Variants in DPYD observed in about 807,000 individuals in gnomAD.
DPYD encodes the protein dihydropyrimidine dehydrogenase [NADP(+)].
Under a neutral mutation model 116.2 loss-of-function variants are expected in DPYD, and 109 were observed. The ratio of observed to expected loss-of-function variants is 0.94; its 90% CI spans 0.80 to 1.10. The LOEUF (loss-of-function observed/expected upper bound fraction) is 1.10, where lower values mean the gene tolerates loss of function less well. Ranked by LOEUF, DPYD falls within the 50% of genes least tolerant of loss-of-function variation. DPYD has a pLI of 0.00. For synonymous variants in DPYD, 440 were observed against 432.0 expected (o/e 1.02, Z -0.23); for missense variants, 1,302 against 1,254.5 (o/e 1.04, Z -0.57).
rs1558029985 is a variant in DPYD, at chr1:97,323,399, T to TGTGTATATGTACACGTATATATAC, written c.2059-17103_2059-17102insGTATATATACGTGTACATATACAC. Among the ~76,000 whole-genome samples the TGTGTATATGTACACGTATATATAC allele has an allele frequency of 1.8e-3, 70 of 39,440 alleles. 5 individuals carry two copies. Among genetic ancestry groups the TGTGTATATGTACACGTATATATAC allele is most frequent in the African/African-American group, 3.8e-3 (65 of 17,136 alleles). The allele number at this position is 39,440 out of a possible 152,430, so 25.9% of individuals were successfully genotyped here. ...GTGTATATGTACACGTATGTATACA[T>TGTGTATATGTACACGTATATATAC]ATGTGTATATGTACACGTATATATA... On this transcript the variant is annotated intron_variant, in intron 16 of 22. Coordinates refer to ENST00000370192, the MANE Select transcript of DPYD (RefSeq NM_000110.4).
At chr1:97,112,351 T>C (rs1190835437) in intron 20 of DPYD, among the ~76,000 whole-genome samples, 2 of 152,106 alleles carry the variant, frequency 1.3e-5, no homozygotes, top group African/African-American at 2.4e-5. Context: ...TCAGGATTGC[T>C]CATACAGTTA....
chr1:97,620,014 C>A (rs17369442), intron 8 of DPYD, among the ~76,000 whole-genome samples: 14,399 of 149,910 alleles, frequency 0.096, 950 homozygotes, highest in Non-Finnish European at 0.13. Context: ...TTTTAAAGTT[C>A]GGCAAAATCT....
At chr1:97,579,195 T>A (rs1005586236) in intron 10 of DPYD, among the ~76,000 whole-genome samples, 1 of 152,214 alleles carries the variant, frequency 6.6e-6, no homozygotes, top group South Asian at 2.1e-4. Context: ...GAATGTCACA[T>A]GGAAGGACAG....
chr1:97,547,215 T>G (rs74809217), intron 12 of DPYD, among the ~76,000 whole-genome samples: 18,328 of 151,970 alleles, frequency 0.12, 1,286 homozygotes, highest in African/African-American at 0.19. Flanking sequence ...AATAAATCCT[T>G]TGTTATTATT....
intron 8 of DPYD, among the ~76,000 whole-genome samples, chr1:97,631,750 C>G (rs1308338251): frequency 6.6e-6 from 1 of 151,942 alleles, no homozygotes; most frequent in Non-Finnish European, 1.5e-5. Context: ...GAACAAATGT[C>G]TGTTCTTTAA....
chr1:97,105,706 G>A (rs562675792), intron 20 of DPYD, among the ~76,000 whole-genome samples: 3 of 152,224 alleles, frequency 2.0e-5, no homozygotes, highest in African/African-American at 4.8e-5. Context: ...GCTTACATAC[G>A]TCATTGTAAG....
chr1:97,084,887 T>C (rs145238793), intron 21 of DPYD, among the ~76,000 whole-genome samples: 8 of 152,302 alleles, frequency 5.3e-5, no homozygotes, highest in African/African-American at 1.4e-4. Flanking sequence ...CTGGAGATCA[T>C]TGAAACACAA....
At chr1:97,391,065 T>G (rs1672671614) in intron 14 of DPYD, among the ~76,000 whole-genome samples, 1 of 149,760 alleles carries the variant, frequency 6.7e-6, no homozygotes, top group Non-Finnish European at 1.5e-5. Context: ...TTTTTTTTTT[T>G]GGTGTTCTTT....
intron 2 of DPYD, among the ~76,000 whole-genome samples, chr1:97,828,621 G>A (rs769201017): frequency 3.0e-4 from 46 of 151,922 alleles, no homozygotes; most frequent in Non-Finnish European, 5.4e-4. Context: ...TAAATACCAA[G>A]TTCTAAATAA....
chr1:97,767,005 G>C (rs186979360), intron 3 of DPYD, among the ~76,000 whole-genome samples: 1 of 152,150 alleles, frequency 6.6e-6, no homozygotes, highest in Non-Finnish European at 1.5e-5. Context: ...AAGGAGCAAA[G>C]GCAGGATTTA....
intron 8 of DPYD, among the ~76,000 whole-genome samples, chr1:97,620,820 G>A: frequency 6.6e-6 from 1 of 152,036 alleles, no homozygotes; most frequent in East Asian, 1.9e-4. Flanking sequence ...GTTCCATTTT[G>A]ATAATCATTT....
intron 13 of DPYD, among the ~76,000 whole-genome samples, chr1:97,505,236 T>G (rs1647234198): frequency 6.6e-6 from 1 of 152,044 alleles, no homozygotes; most frequent in South Asian, 2.1e-4. Context: ...ATGTAATTTC[T>G]TTGCTTAAAC....
intron 20 of DPYD, among the ~76,000 whole-genome samples, chr1:97,164,289 A>G (rs1326103298): frequency 6.6e-6 from 1 of 152,146 alleles, no homozygotes; most frequent in East Asian, 1.9e-4. Context: ...AAATAATAAG[A>G]TCCATATATG....
At chr1:97,410,674 T>C (rs1449845797) in intron 14 of DPYD, among the ~76,000 whole-genome samples, 1 of 152,146 alleles carries the variant, frequency 6.6e-6, no homozygotes, top group Non-Finnish European at 1.5e-5. Flanking sequence ...ATTATATTTG[T>C]GAATTAATGC....
intron 8 of DPYD, among the ~76,000 whole-genome samples, chr1:97,633,475 T>G (rs1657390863): frequency 6.6e-6 from 1 of 151,614 alleles, no homozygotes; most frequent in African/African-American, 2.4e-5. Context: ...CTAGAGAGAG[T>G]GGGAGGGCAT....
At chr1:97,889,987 CATT>C (rs1672699206) in intron 1 of DPYD, among the ~76,000 whole-genome samples, 2 of 151,928 alleles carry the variant, frequency 1.3e-5, no homozygotes, top group South Asian at 2.1e-4. Flanking sequence ...ATACTGTAAA[CATT>C]ATGCTAAGTG....
At chr1:97,401,207 G>A (rs547270451) in intron 14 of DPYD, among the ~76,000 whole-genome samples, 1 of 152,092 alleles carries the variant, frequency 6.6e-6, no homozygotes, top group Admixed American at 6.6e-5. Context: ...TGTGTATTTT[G>A]GATAACCGTA....
intron 13 of DPYD, among the ~76,000 whole-genome samples, chr1:97,494,253 G>A (rs762849903): frequency 5.9e-5 from 9 of 152,192 alleles, no homozygotes; most frequent in Non-Finnish European, 1.3e-4. Context: ...TTGGAGTGCA[G>A]AGGTGCGAGC....
rs551942704 is a variant in DPYD at position 97,836,033 on chromosome 1, T to A, written c.151-7837A>T. On this transcript the variant is annotated intron_variant, in intron 2 of 22. Coordinates refer to ENST00000370192, the MANE Select transcript of DPYD (RefSeq NM_000110.4). Reference sequence around the variant, plus strand: ...ATATTATCCCTATAAGGATAAAAAATTTGATGTAATCTAGAGGCTTTAAAC... The same window carrying A: ...ATATTATCCCTATAAGGATAAAAAAATTGATGTAATCTAGAGGCTTTAAAC... Among the ~76,000 whole-genome samples the A allele has an allele frequency of 9.2e-5, 14 of 152,264 alleles. No homozygotes were observed. In the East Asian group the frequency reaches 2.5e-3, roughly 27 times the overall value.
Sources: gnomAD v4.1 joint callset for allele counts (sites outside exome capture counted in the v4.1 genomes callset) on GRCh38, gnomAD v4.1.1 for gene constraint, MANE v1.5 for transcripts, NCBI Gene and HGNC (gene_info 2026-07-23, HGNC 2026-07-21) for gene names.